ARHGEF4: variants seen among roughly 807,000 people sequenced by gnomAD.
ARHGEF4 encodes the protein APC-stimulated guanine nucleotide exchange factor 1.
Under a neutral mutation model 162.0 loss-of-function variants are expected in ARHGEF4, and 119 were observed. The ratio of observed to expected loss-of-function variants is 0.73; its 90% CI spans 0.63 to 0.86. The LOEUF is 0.86. Among genes scored for constraint, ARHGEF4 ranks in the 40% least tolerant of loss-of-function variants. ARHGEF4 has a pLI of 0.00. For synonymous variants in ARHGEF4, 1,014 were observed against 979.9 expected (o/e 1.03, Z -0.65); for missense variants, 2,488 against 2,456.0 (o/e 1.01, Z -0.28).
At chr2:130,980,052 G>A (rs1196159586) in intron 4 of ARHGEF4, among the ~76,000 whole-genome samples, 12 of 152,116 alleles carry the variant, frequency 7.9e-5, no homozygotes, top group Admixed American at 7.9e-4. Flanking sequence ...CATCACATAT[G>A]TCTAATTGCT....
chr2:130,958,456 CTGGAG>C (rs1684427534), intron 4 of ARHGEF4, among the ~76,000 whole-genome samples: 2 of 151,578 alleles, frequency 1.3e-5, no homozygotes, highest in South Asian at 4.2e-4. Flanking sequence ...GTTGCCCAGG[CTGGAG>C]TGTAGTGGCA....
At chr2:131,045,912 T>G (rs1691213601) in intron 13 of ARHGEF4, 126 bp from the exon 14 acceptor site, 1 of 1,495,754 alleles carries the variant, frequency 6.7e-7, no homozygotes, top group African/African-American at 1.4e-5. Context: ...AAGTCCTGTG[T>G]GGCAAAACTG....
chr2:130,976,772 A>G (rs1685745221), intron 4 of ARHGEF4, among the ~76,000 whole-genome samples: 1 of 152,238 alleles, frequency 6.6e-6, no homozygotes, highest in South Asian at 2.1e-4. Context: ...GGCCCATCAG[A>G]AAGCCAAGCA....
chr2:130,889,046 A>C (rs1679690800), intron 1 of ARHGEF4, among the ~76,000 whole-genome samples: 5 of 151,734 alleles, frequency 3.3e-5, no homozygotes, highest in Admixed American at 3.3e-4. Context: ...CGGAGGTTGC[A>C]GTGAGCGGAG....
At position 130,916,167 on chromosome 2, in the gene ARHGEF4, A is replaced by G; in HGVS notation, c.2221A>G (p.Ser741Gly). The change falls in exon 2 of 14, where the codon AGC becomes GGC. Residue 741 changes from serine to glycine, a missense_variant. Around this residue, in one of 6 missense-constraint regions of ARHGEF4, gnomAD observed 1,642 missense variants for 1,481.5 expected, o/e 1.11. Coordinates refer to ENST00000409359, the MANE Select transcript of ARHGEF4 (RefSeq NM_001367493.1). ...CCCGGGAGAGAGACTGCGTGGGGAGAGCCGGAGCTCCGGGTCAGGGGAGCG... is the reference window on the plus strand; with the variant it reads ...CCCGGGAGAGAGACTGCGTGGGGAGGGCCGGAGCTCCGGGTCAGGGGAGCG... The part of the protein sequence containing the change: ...EPPGERLRGE[S>G]RSSGSGERGP... The G allele has an allele frequency of 6.5e-7, 1 of 1,548,652 alleles. No homozygotes were observed. Among genetic ancestry groups the G allele is most frequent in the Non-Finnish European group, 8.7e-7 (1 of 1,146,822 alleles).
chr2:130,961,907 GGCT>G (rs913495434), intron 4 of ARHGEF4, among the ~76,000 whole-genome samples: 3 of 151,966 alleles, frequency 2.0e-5, no homozygotes, highest in African/African-American at 7.3e-5. Flanking sequence ...CCTGCATGAG[GGCT>G]GAGGAGTGGG....
At position 130,841,600 on chromosome 2, in the gene ARHGEF4, C is replaced by T. The variant is rs116375535; in HGVS notation, c.39+4608C>T. On this transcript the variant is annotated intron_variant, in intron 1 of 13. Coordinates refer to ENST00000409359, the MANE Select transcript of ARHGEF4 (RefSeq NM_001367493.1). ...TTCTCATCTGTAGAATTTCCACCAACGGGAAGGTCTTCCGTCATCATCTCC... is the reference window on the plus strand; with the variant it reads ...TTCTCATCTGTAGAATTTCCACCAATGGGAAGGTCTTCCGTCATCATCTCC... Among the ~76,000 whole-genome samples, 2 of 152,230 alleles carry T rather than the reference C, an allele frequency of 1.3e-5. 1 individual carries two copies. Among genetic ancestry groups the T allele is most frequent in the African/African-American group, 4.8e-5 (2 of 41,534 alleles).
intron 1 of ARHGEF4, among the ~76,000 whole-genome samples, chr2:130,838,329 C>G (rs375172353): frequency 6.6e-6 from 1 of 152,180 alleles, no homozygotes; most frequent in African/African-American, 2.4e-5. Flanking sequence ...TGGCCCGGCG[C>G]GGTGGCTCAT....
At chr2:130,859,252 A>G (rs1372278379) in intron 1 of ARHGEF4, among the ~76,000 whole-genome samples, 1 of 9,136 alleles carries the variant, frequency 1.1e-4, no homozygotes, top group African/African-American at 2.6e-4. Context: ...TTAGCTGGGC[A>G]TGATGGCATG....
rs1051075048 is a variant in ARHGEF4 at position 130,915,667 on chromosome 2, T to C, written c.1721T>C (p.Leu574Pro). Residue 574 changes from leucine (L) to proline (P), a missense_variant, in exon 2 of 14, where the codon CTA becomes CCA. Leu to Pro is a moderately conservative substitution (Grantham distance 98). This residue lies in a region of ARHGEF4 where 1,642 missense variants were observed against 1,481.5 expected (regional missense o/e 1.11). Transcript: ENST00000409359. ...AAGGCAGCCGAAGAAGCCATGGTTC[T>C]AGACCCCAACTACAGGGAACAGGCT... is the stretch of plus-strand genomic sequence containing the variant. ...TSKAAEEAMV[L>P]DPNYREQALQ... The C allele has an allele frequency of 1.6e-5, 25 of 1,550,388 alleles. No homozygotes were observed. The highest frequency in any genetic ancestry group is 2.0e-5 in the Admixed American group (1 of 50,982).
intron 2 of ARHGEF4, 32 bp from the exon 3 acceptor site, chr2:130,930,920 C>G (rs750237697): frequency 6.4e-7 from 1 of 1,571,812 alleles, no homozygotes; most frequent in Non-Finnish European, 8.7e-7. Context: ...CCTTTGACCT[C>G]TGACCCCTGA....
At chr2:130,903,542 G>GCCA (rs745803272) in intron 1 of ARHGEF4, among the ~76,000 whole-genome samples, 98 of 152,282 alleles carry the variant, frequency 6.4e-4, no homozygotes, top group Non-Finnish European at 1.2e-3. Context: ...ACAGGCGTGA[G>GCCA]CCACCGCACC....
At chr2:131,001,669 T>C (rs1037939844) in intron 4 of ARHGEF4, among the ~76,000 whole-genome samples, 1 of 152,152 alleles carries the variant, frequency 6.6e-6, no homozygotes, top group Non-Finnish European at 1.5e-5. Context: ...AACTCTTCCA[T>C]GTATGCATAG....
chr2:131,007,800 CTTTTTTTTTTTTTTTT>C (rs70994731), intron 4 of ARHGEF4, among the ~76,000 whole-genome samples: 7 of 55,920 alleles, frequency 1.3e-4, no homozygotes, highest in Non-Finnish European at 1.6e-4. Context: ...CTTTTCTTTT[CTTTTTTTTTTTTTTTT>C]TTTTTTTTTT....
At chr2:130,946,164 A>C (rs1683603456) in intron 3 of ARHGEF4, among the ~76,000 whole-genome samples, 1 of 152,240 alleles carries the variant, frequency 6.6e-6, no homozygotes, top group African/African-American at 2.4e-5. Flanking sequence ...CAAAAAGACT[A>C]TGCCTTAGCT....
intron 4 of ARHGEF4, among the ~76,000 whole-genome samples, chr2:130,961,888 G>A (rs1684642879): frequency 6.6e-6 from 1 of 152,036 alleles, no homozygotes; most frequent in Non-Finnish European, 1.5e-5. Context: ...GTGACCCCAT[G>A]CAGAAGAGCC....
At chr2:131,014,504 A>G (rs1008269874) in intron 4 of ARHGEF4, among the ~76,000 whole-genome samples, 32 of 152,344 alleles carry the variant, frequency 2.1e-4, no homozygotes, top group African/African-American at 7.2e-4. Context: ...TCCATTTGGA[A>G]GCAACTGAAA....
At chr2:130,948,464 A>C (rs893954444) in intron 4 of ARHGEF4, among the ~76,000 whole-genome samples, 1 of 152,238 alleles carries the variant, frequency 6.6e-6, no homozygotes, top group Non-Finnish European at 1.5e-5. Flanking sequence ...AGGGACAGTA[A>C]CCAGGGAGAG....
At chr2:130,837,056 A>G (rs1383071146) in intron 1 of ARHGEF4, 64 bp downstream of exon 1, 2 of 1,218,592 alleles carry the variant, frequency 1.6e-6, no homozygotes, top group Non-Finnish European at 2.0e-6. Context: ...GGGGAGGAGC[A>G]CAGCCCGCGC....
Sources: gnomAD v4.1 joint callset for allele counts (sites outside exome capture counted in the v4.1 genomes callset) on GRCh38, gnomAD v4.1.1 for gene constraint, gnomAD v4.1.1 regional missense constraint, MANE v1.5 for transcripts, NCBI Gene and HGNC (gene_info 2026-07-23, HGNC 2026-07-21) for gene names.